NRG3: variants seen among roughly 807,000 people sequenced by gnomAD.
The protein encoded by NRG3 is neuregulin 3.
NRG3 carries 31 observed loss-of-function variants against 66.9 expected under a neutral mutation model. The ratio of observed to expected loss-of-function variants is 0.46; its 90% confidence interval spans 0.35 to 0.63. The LOEUF (loss-of-function observed/expected upper bound fraction) is 0.63. Among genes scored for constraint, NRG3 ranks in the 20% least tolerant of loss-of-function variants. The probability of loss-of-function intolerance (pLI) is 0.00; values close to 1 mark genes in which losing one functional copy is unlikely to be tolerated. For synonymous variants in NRG3, 393 were observed against 359.4 expected, an observed-to-expected ratio of 1.09 and a Z score of -1.06; for missense variants, 910 against 878.9, an observed-to-expected ratio of 1.04 and a Z score of -0.45.
rs561676659 is a variant in NRG3, at chr10:81,963,375, C to T, written c.823+87212C>T. 3.3e-5 allele frequency among the ~76,000 whole-genome samples: 5 copies of T among 150,080 alleles called. No individual in the cohort carries two copies. In the East Asian group the frequency reaches 8.0e-4, roughly 24 times the overall value. On this transcript the variant is annotated intron_variant, in intron 1 of 8. Transcript: ENST00000372141. Reference sequence around the variant, plus strand: ...GTCTCGATCTCCTGACCTCGTGATCCGCCCGCCTCGGCCTCCCAAAGTGCT... The same window carrying T: ...GTCTCGATCTCCTGACCTCGTGATCTGCCCGCCTCGGCCTCCCAAAGTGCT...
At chr10:82,510,823 G>A (rs370361116) in intron 2 of NRG3, among the ~76,000 whole-genome samples, 7 of 152,184 alleles carry the variant, frequency 4.6e-5, no homozygotes, top group South Asian at 4.1e-4. Flanking sequence ...CATTGAGATC[G>A]GCTCCTTGGG....
intron 1 of NRG3, among the ~76,000 whole-genome samples, chr10:82,119,329 T>C (rs75488811): frequency 0.018 from 2,723 of 152,250 alleles, 27 homozygotes; most frequent in East Asian, 0.057. Flanking sequence ...GTCTCTCTCT[T>C]TCTTTCTCTA....
At chr10:82,404,107 G>T (rs2136081647) in intron 2 of NRG3, among the ~76,000 whole-genome samples, 1 of 152,214 alleles carries the variant, frequency 6.6e-6, no homozygotes, top group African/African-American at 2.4e-5. Context: ...GACATTTTAG[G>T]TTTTTATTCT....
chr10:82,461,221 C>A (rs996187474), intron 2 of NRG3, among the ~76,000 whole-genome samples: 4 of 150,182 alleles, frequency 2.7e-5, no homozygotes, highest in African/African-American at 1.0e-4. Flanking sequence ...CCATTACCAC[C>A]ATCAACACCA....
At chr10:82,091,275 T>A (rs932452303) in intron 1 of NRG3, among the ~76,000 whole-genome samples, 2 of 152,138 alleles carry the variant, frequency 1.3e-5, no homozygotes, top group African/African-American at 4.8e-5. Context: ...TCCTATCATC[T>A]CCAAAAACAA....
At chr10:82,757,792 G>A (rs1260987124) in intron 3 of NRG3, among the ~76,000 whole-genome samples, 1 of 151,786 alleles carries the variant, frequency 6.6e-6, no homozygotes, top group Admixed American at 6.6e-5. Flanking sequence ...ATTTGTTGAA[G>A]GAAGGAATAA....
At chr10:82,123,124 T>G (rs1352831385) in intron 1 of NRG3, among the ~76,000 whole-genome samples, 1 of 152,198 alleles carries the variant, frequency 6.6e-6, no homozygotes, top group Non-Finnish European at 1.5e-5. Flanking sequence ...TTTGGTCTCC[T>G]ATGTTATTTT....
intron 1 of NRG3, among the ~76,000 whole-genome samples, chr10:82,115,543 A>T (rs188060650): frequency 6.6e-6 from 1 of 152,232 alleles, no homozygotes; most frequent in Admixed American, 6.5e-5. Context: ...CTCCTGTGAC[A>T]CTGAGGCCTT....
At chr10:82,893,234 G>C (rs1843327758) in intron 4 of NRG3, among the ~76,000 whole-genome samples, 1 of 152,062 alleles carries the variant, frequency 6.6e-6, no homozygotes, top group Non-Finnish European at 1.5e-5. Flanking sequence ...ATTTCAAAGA[G>C]TTGATATTTT....
intron 1 of NRG3, among the ~76,000 whole-genome samples, chr10:82,047,931 A>G (rs528264428): frequency 2.1e-3 from 325 of 152,194 alleles, no homozygotes; most frequent in Non-Finnish European, 3.0e-3. Flanking sequence ...AAAACAAAAA[A>G]AGGCAGGGGT....
intron 2 of NRG3, among the ~76,000 whole-genome samples, chr10:82,664,279 C>T (rs2133984396): frequency 6.6e-6 from 1 of 152,262 alleles, no homozygotes; most frequent in Admixed American, 6.5e-5. Context: ...CTCCTCTCCT[C>T]CATGAGTTTC....
At chr10:81,962,411 T>C (rs1850449339) in intron 1 of NRG3, among the ~76,000 whole-genome samples, 1 of 152,204 alleles carries the variant, frequency 6.6e-6, no homozygotes, top group South Asian at 2.1e-4. Flanking sequence ...TATGTTATTA[T>C]GTATGATAGT....
At chr10:82,793,560 C>G (rs1296697527) in intron 3 of NRG3, among the ~76,000 whole-genome samples, 1 of 152,192 alleles carries the variant, frequency 6.6e-6, no homozygotes, top group African/African-American at 2.4e-5. Context: ...TAAGCCTTCT[C>G]AGATCCAGGT....
chr10:82,586,252 A>C (rs1025850273), intron 2 of NRG3, among the ~76,000 whole-genome samples: 7 of 151,604 alleles, frequency 4.6e-5, no homozygotes, highest in African/African-American at 1.2e-4. Context: ...AAAAAAAAAA[A>C]AACAAGAAAA....
intron 2 of NRG3, among the ~76,000 whole-genome samples, chr10:82,683,474 TA>T (rs1250003933): frequency 2.0e-5 from 3 of 152,138 alleles, no homozygotes; most frequent in East Asian, 3.9e-4. Flanking sequence ...TAATATTCAA[TA>T]AAAATGCTGT....
intron 2 of NRG3, among the ~76,000 whole-genome samples, chr10:82,438,297 G>C (rs1274411748): frequency 6.6e-6 from 1 of 152,238 alleles, no homozygotes; most frequent in Non-Finnish European, 1.5e-5. Flanking sequence ...GGAAGGATGG[G>C]TCAGGGTTAG....
chr10:81,947,311 C>T (rs1416823384), intron 1 of NRG3, among the ~76,000 whole-genome samples: 1 of 152,126 alleles, frequency 6.6e-6, no homozygotes, highest in Non-Finnish European at 1.5e-5. Context: ...ATTCCATCAG[C>T]TCTCTAAAGA....
chr10:82,238,101 A>G (rs1456650034), intron 1 of NRG3, among the ~76,000 whole-genome samples: 2 of 152,188 alleles, frequency 1.3e-5, no homozygotes, highest in African/African-American at 4.8e-5. Flanking sequence ...TGCATATCTC[A>G]GAATGATATA....
At chr10:82,919,578 A>AT (rs761581876) in intron 4 of NRG3, among the ~76,000 whole-genome samples, 287 of 152,206 alleles carry the variant, frequency 1.9e-3, no homozygotes, top group Non-Finnish European at 3.4e-3. Flanking sequence ...ACCTTAAAAT[A>AT]TTTTTTCAGA....
Sources: gnomAD v4.1 joint callset for allele counts (sites outside exome capture counted in the v4.1 genomes callset) on GRCh38, gnomAD v4.1.1 for gene constraint, MANE v1.5 for transcripts, NCBI Gene and HGNC (gene_info 2026-07-23, HGNC 2026-07-21) for gene names.